VPS13B: variants seen among roughly 807,000 people sequenced by gnomAD.
The protein encoded by VPS13B is intermembrane lipid transfer protein VPS13B.
In VPS13B, 285 loss-of-function variants were observed where a neutral mutation model predicts 426.4. The observed-to-expected ratio is 0.67, with a 90% confidence interval of 0.61 to 0.74. VPS13B has a LOEUF of 0.74. Ranked by LOEUF, VPS13B falls within the 30% of genes least tolerant of loss-of-function variation. The pLI, the probability that VPS13B is intolerant of heterozygous loss-of-function variation, is 0.00. For missense variants in VPS13B, 4,537 were observed against 4,782.6 expected, an observed-to-expected ratio of 0.95 and a Z score of 1.51; for synonymous variants, 1,676 against 1,676.4, an observed-to-expected ratio of 1.00 and a Z score of 0.01.
At chr8:99,383,948 T>C (rs2133294415) in intron 19 of VPS13B, among the ~76,000 whole-genome samples, 1 of 152,342 alleles carries the variant, frequency 6.6e-6, no homozygotes, top group South Asian at 2.1e-4. Flanking sequence ...TGTGTGGGCA[T>C]AAGTTTTCGG....
At chr8:99,825,188 A>G (rs1814602634) in intron 51 of VPS13B, among the ~76,000 whole-genome samples, 1 of 152,164 alleles carries the variant, frequency 6.6e-6, no homozygotes, top group African/African-American at 2.4e-5. Flanking sequence ...TTACACTCCC[A>G]CCAACAGTGT....
chr8:99,078,626 G>A (rs1179935616), intron 3 of VPS13B, among the ~76,000 whole-genome samples: 1 of 152,034 alleles, frequency 6.6e-6, no homozygotes, highest in African/African-American at 2.4e-5. Flanking sequence ...GGTCTAGATG[G>A]GCCAAACTTT....
intron 24 of VPS13B, among the ~76,000 whole-genome samples, chr8:99,480,178 C>G (rs1819961697): frequency 6.6e-6 from 1 of 152,062 alleles, no homozygotes; most frequent in Non-Finnish European, 1.5e-5. Context: ...CATGTTTTTG[C>G]CTTATTTCTT....
At chr8:99,817,507 T>G in intron 44 of VPS13B, 33 bp from the exon 45 acceptor site, 1 of 1,612,612 alleles carries the variant, frequency 6.2e-7, no homozygotes, top group Non-Finnish European at 8.5e-7. Context: ...AAGTCTGAAT[T>G]GATGAAGCCT....
intron 17 of VPS13B, among the ~76,000 whole-genome samples, chr8:99,273,643 G>C (rs1304700369): frequency 6.6e-6 from 1 of 152,046 alleles, no homozygotes; most frequent in Non-Finnish European, 1.5e-5. Context: ...AAATTAGCCA[G>C]GCTGGTGGAA....
chr8:99,643,228 C>CA (rs1398945465), intron 34 of VPS13B, among the ~76,000 whole-genome samples: 1 of 151,116 alleles, frequency 6.6e-6, no homozygotes, highest in Non-Finnish European at 1.5e-5. Context: ...GAGATTTGGC[C>CA]AAAAAAAACT....
chr8:99,428,355 A>G (rs555635748), intron 21 of VPS13B, among the ~76,000 whole-genome samples: 2 of 152,342 alleles, frequency 1.3e-5, no homozygotes, highest in East Asian at 3.9e-4. Flanking sequence ...CAGGCAACCT[A>G]TAGAATGGAA....
At chr8:99,495,791 A>G (rs1383096942) in intron 25 of VPS13B, among the ~76,000 whole-genome samples, 3 of 151,996 alleles carry the variant, frequency 2.0e-5, no homozygotes, top group Non-Finnish European at 4.4e-5. Context: ...TTGCTTTTTT[A>G]TTGGGTTTAT....
At chr8:99,209,791 A>G (rs1423880281) in intron 17 of VPS13B, 1 of 877,336 alleles carries the variant, frequency 1.1e-6, no homozygotes, top group East Asian at 1.2e-4. Context: ...TATACAAGGA[A>G]GTCTCAAAGA....
intron 17 of VPS13B, among the ~76,000 whole-genome samples, chr8:99,212,197 C>T (rs1432416453): frequency 2.0e-5 from 3 of 152,204 alleles, no homozygotes; most frequent in Admixed American, 6.5e-5. Flanking sequence ...CTGGCCCAGT[C>T]GTGCAATTTT....
chr8:99,453,799 T>C (rs996640404), intron 23 of VPS13B, among the ~76,000 whole-genome samples: 1 of 152,190 alleles, frequency 6.6e-6, no homozygotes, highest in Non-Finnish European at 1.5e-5. Flanking sequence ...ATATATCCCC[T>C]GCTCCTAAAC....
chr8:99,166,088 T>G (rs1402999936), intron 15 of VPS13B, among the ~76,000 whole-genome samples: 1 of 152,214 alleles, frequency 6.6e-6, no homozygotes, highest in Admixed American at 6.5e-5. Flanking sequence ...CAAGTGATTC[T>G]CCTGCCTCAG....
rs118164999 is a variant in VPS13B, at chr8:99,239,928, A to G, written c.2516-34270A>G. 3.7e-4 allele frequency among the ~76,000 whole-genome samples: 57 copies of G among 152,298 alleles called. No homozygotes were observed. The East Asian group carries it at 9.4e-3, about 25-fold the overall frequency. ...ATGGTATTTTGGTGGCTCAGTTAAAATAATACTTAATAAAGTTAGGCTTCA... is the reference window on the plus strand; with the variant it reads ...ATGGTATTTTGGTGGCTCAGTTAAAGTAATACTTAATAAAGTTAGGCTTCA... On this transcript the variant is annotated intron_variant, in intron 17 of 61. Coordinates refer to ENST00000357162, the MANE Select transcript of VPS13B (RefSeq NM_152564.5).
intron 25 of VPS13B, among the ~76,000 whole-genome samples, chr8:99,497,294 G>A (rs1227299606): frequency 1.5e-5 from 2 of 133,166 alleles, no homozygotes; most frequent in Non-Finnish European, 3.2e-5. Flanking sequence ...ACATAAAAAT[G>A]CATATATACA....
At chr8:99,252,264 C>T (rs1817543233) in intron 17 of VPS13B, among the ~76,000 whole-genome samples, 2 of 151,910 alleles carry the variant, frequency 1.3e-5, no homozygotes, top group Admixed American at 1.3e-4. Context: ...TACATTATAT[C>T]TTCATTCAAT....
chr8:99,867,717 G>A (rs1339319714), intron 58 of VPS13B, among the ~76,000 whole-genome samples: 1 of 152,000 alleles, frequency 6.6e-6, no homozygotes, highest in East Asian at 1.9e-4. Context: ...TACAAATAAA[G>A]CTCTTAGCAC....
chr8:99,517,146 T>G (rs1015517044), intron 29 of VPS13B, among the ~76,000 whole-genome samples: 1 of 152,216 alleles, frequency 6.6e-6, no homozygotes, highest in Non-Finnish European at 1.5e-5. Context: ...CAAATACTCT[T>G]GAGACTTCAG....
intron 2 of VPS13B, among the ~76,000 whole-genome samples, chr8:99,018,820 A>C (rs748269744): frequency 6.6e-6 from 1 of 152,240 alleles, no homozygotes; most frequent in Non-Finnish European, 1.5e-5. Flanking sequence ...AATTTGATCA[A>C]ATATTACACT....
chr8:99,783,818 A>G (rs1183238459), intron 42 of VPS13B, among the ~76,000 whole-genome samples: 1 of 152,184 alleles, frequency 6.6e-6, no homozygotes, highest in African/African-American at 2.4e-5. Context: ...ACACACACAC[A>G]CACATATCCA....
Sources: allele counts gnomAD v4.1 joint callset (sites outside exome capture counted in the v4.1 genomes callset), GRCh38; gene constraint gnomAD v4.1.1; transcripts MANE v1.5; gene names NCBI Gene and HGNC (gene_info 2026-07-23, HGNC 2026-07-21).